RASGEF1B: variants seen among roughly 807,000 people sequenced by gnomAD.
The protein encoded by RASGEF1B is ras-GEF domain-containing family member 1B.
A neutral mutation model predicts 65.7 loss-of-function variants in RASGEF1B; 30 were observed. The ratio of observed to expected loss-of-function variants is 0.46; its 90% CI spans 0.34 to 0.62. The LOEUF (loss-of-function observed/expected upper bound fraction) is 0.62, where lower values mean the gene tolerates loss of function less well. Ranked by LOEUF, RASGEF1B falls within the 20% of genes least tolerant of loss-of-function variation. The pLI, the probability that RASGEF1B is intolerant of heterozygous loss-of-function variation, is 0.01. For missense variants in RASGEF1B, 495 were observed against 580.1 expected, an observed-to-expected ratio of 0.85 and a Z score of 1.51; for synonymous variants, 175 against 194.8, an observed-to-expected ratio of 0.90 and a Z score of 0.85.
intron 13 of RASGEF1B, among the ~76,000 whole-genome samples, chr4:81,428,367 C>T (rs559975004): frequency 1.3e-5 from 2 of 152,180 alleles, no homozygotes; most frequent in South Asian, 4.2e-4. Flanking sequence ...TATAGTCAGC[C>T]CTCTCTATCT....
chr4:81,456,683 C>T lies in RASGEF1B; in HGVS notation c.406G>A (p.Asp136Asn), dbSNP rs1262575682. The change falls in exon 4 of 14, where the codon GAT becomes AAT. Residue 136 changes from aspartate to asparagine, a missense_variant. Coordinates refer to ENST00000264400, the MANE Select transcript of RASGEF1B (RefSeq NM_152545.3). ...CCACTGGCTATTCGGTGAGCCAGATCTTTTAAGTTTCTCATCATTCTTTCA... is the reference window on the plus strand; with the variant it reads ...CCACTGGCTATTCGGTGAGCCAGATTTTTTAAGTTTCTCATCATTCTTTCA... ...RDERMMRNLK[D>N]LAHRIASGEE... 1.2e-6 allele frequency: 2 copies of T among 1,614,180 alleles called. No individual in the cohort carries two copies.
intron 4 of RASGEF1B, among the ~76,000 whole-genome samples, chr4:81,449,930 T>A (rs1227845899): frequency 6.6e-6 from 1 of 152,210 alleles, no homozygotes; most frequent in Non-Finnish European, 1.5e-5. Context: ...TATATTCTGC[T>A]GAGTTCTTTA....
intron 13 of RASGEF1B, 95 bp downstream of exon 13, chr4:81,432,204 G>T: frequency 1.3e-6 from 1 of 751,066 alleles, no homozygotes; most frequent in Non-Finnish European, 2.3e-6. Flanking sequence ...ACTTGGAACA[G>T]ATAGACAGCA....
intron 9 of RASGEF1B, among the ~76,000 whole-genome samples, chr4:81,441,749 C>A (rs1399913421): frequency 1.3e-5 from 2 of 151,910 alleles, no homozygotes; most frequent in Admixed American, 6.6e-5. Context: ...CGCCATGTTG[C>A]CCAGGCTGGT....
rs760715662 is a variant in RASGEF1B at position 81,466,937 on chromosome 4, T to TAAAAAA, written c.-7+4827_-7+4832dup. On this transcript the variant is annotated intron_variant, in intron 1 of 13. Coordinates refer to ENST00000264400, the MANE Select transcript of RASGEF1B (RefSeq NM_152545.3). The stretch of plus-strand genomic sequence containing the variant: ...AATGCTACACCTCTGCTTACCTCCT[T>TAAAAAA]AAAAAAAAAAAAAAAAAAGAAAAAA... 4.2e-4 allele frequency among the ~76,000 whole-genome samples: 40 copies of TAAAAAA among 94,724 alleles called. 1 individual carries two copies. The highest frequency in any genetic ancestry group is 7.7e-4 in the Non-Finnish European group (37 of 47,876). 62.1% of individuals were successfully genotyped at this position (94,724 alleles called of 152,430 possible). A position where few individuals can be genotyped will look rare whatever the true frequency, so the allele number is the denominator to read the frequency against.
chr4:81,439,811 C>T (rs1721773164), intron 10 of RASGEF1B, among the ~76,000 whole-genome samples: 1 of 152,198 alleles, frequency 6.6e-6, no homozygotes, highest in Admixed American at 6.5e-5. Flanking sequence ...AGACTGTCAT[C>T]TCTGCTTCAT....
chr4:81,440,951 A>G (rs780956817), intron 9 of RASGEF1B, 22 bp from the exon 10 acceptor site: 3 of 1,418,714 alleles, frequency 2.1e-6, no homozygotes, highest in East Asian at 4.6e-5. Flanking sequence ...AGAGAGAAGA[A>G]TATTAACTAT....
intron 10 of RASGEF1B, 56 bp from the exon 11 acceptor site, chr4:81,434,790 TA>T: frequency 1.2e-6 from 1 of 831,988 alleles, no homozygotes; most frequent in Non-Finnish European, 2.0e-6. Flanking sequence ...TAGCCTTTCA[TA>T]AAAATACACA....
intron 10 of RASGEF1B, among the ~76,000 whole-genome samples, chr4:81,439,681 G>A (rs1156879590): frequency 1.3e-5 from 2 of 152,116 alleles, no homozygotes; most frequent in Admixed American, 1.3e-4. Flanking sequence ...CCTCCCACAT[G>A]TGCTCACTGT....
At chr4:81,454,213 C>A (rs548126277) in intron 4 of RASGEF1B, 1 of 152,168 alleles carries the variant, frequency 6.6e-6, no homozygotes, top group African/African-American at 2.4e-5. Flanking sequence ...ACAAAAAGAC[C>A]AATTCTCATC....
intron 10 of RASGEF1B, among the ~76,000 whole-genome samples, chr4:81,436,510 A>AC (rs1187386904): frequency 6.6e-6 from 1 of 152,216 alleles, no homozygotes; most frequent in African/African-American, 2.4e-5. Context: ...CTCAGTAAGT[A>AC]CCCCAAATCA....
At position 81,459,328 on chromosome 4, in the gene RASGEF1B, C is replaced by T; in HGVS notation, c.177+4G>A. ...ATGTGTTTCAGAGAAACATGAATAC[C>T]TACATCTGGATAGTAATCCACATTA... On this transcript the variant is annotated splice_donor_region_variant and intron_variant, in intron 2 of 13. Transcript: ENST00000264400. 1 of 1,575,468 alleles carries T rather than the reference C, an allele frequency of 6.3e-7. No individual in the cohort carries two copies. Among genetic ancestry groups the T allele is most frequent in the Non-Finnish European group, 8.6e-7 (1 of 1,163,630 alleles).
intron 4 of RASGEF1B, chr4:81,454,763 C>T (rs137903627): frequency 8.6e-4 from 131 of 152,232 alleles, no homozygotes; most frequent in African/African-American, 3.0e-3. Context: ...ATGGCTGTCT[C>T]GAGCACTTGG....
At chr4:81,459,940 G>A (rs1477028077) in intron 1 of RASGEF1B, among the ~76,000 whole-genome samples, 3 of 152,208 alleles carry the variant, frequency 2.0e-5, no homozygotes, top group Non-Finnish European at 4.4e-5. Flanking sequence ...ACCTAACACT[G>A]AAGAGCTATC....
intron 2 of RASGEF1B, 36 bp downstream of exon 2, chr4:81,459,296 G>A (rs887216453): frequency 1.3e-6 from 2 of 1,489,686 alleles, no homozygotes; most frequent in African/African-American, 2.8e-5. Flanking sequence ...TCTACTCATT[G>A]CCAAGGATGT....
intron 1 of RASGEF1B, among the ~76,000 whole-genome samples, chr4:81,460,655 C>T (rs1003873381): frequency 6.6e-6 from 1 of 152,210 alleles, no homozygotes; most frequent in African/African-American, 2.4e-5. Flanking sequence ...CACAGAGCAT[C>T]ACATCCTGTG....
At chr4:81,460,249 C>T (rs578175874) in intron 1 of RASGEF1B, among the ~76,000 whole-genome samples, 6 of 152,280 alleles carry the variant, frequency 3.9e-5, no homozygotes, top group African/African-American at 1.4e-4. Flanking sequence ...ATAAGTTGCT[C>T]CTCTCCATCT....
Position 81,440,826 on chromosome 4 carries a change from G to T in RASGEF1B, c.1104+8C>A. ...TACCATAAGAAAGATACTTCTTTAA[G>T]TGCATACCTTTTCTCTACTACTATG... On this transcript the variant is annotated splice_region_variant and intron_variant, in intron 10 of 13. Transcript: ENST00000264400. 1 of 1,561,024 alleles carries T rather than the reference G, an allele frequency of 6.4e-7. No homozygotes were observed. The highest frequency in any genetic ancestry group is 8.8e-7 in the Non-Finnish European group (1 of 1,134,328).
At chr4:81,444,877 A>G (rs1721965590) in intron 8 of RASGEF1B, among the ~76,000 whole-genome samples, 1 of 152,242 alleles carries the variant, frequency 6.6e-6, no homozygotes, top group South Asian at 2.1e-4. Flanking sequence ...CAAATTTATA[A>G]GATGGCCATA....
Sources: allele counts gnomAD v4.1 joint callset (sites outside exome capture counted in the v4.1 genomes callset), GRCh38; gene constraint gnomAD v4.1.1; transcripts MANE v1.5; gene names NCBI Gene and HGNC (gene_info 2026-07-23, HGNC 2026-07-21).